Variants in ERO1A observed in about 807,000 individuals in gnomAD.
ERO1A encodes the protein ERO1-like protein alpha.
ERO1A carries 49 observed loss-of-function variants against 76.9 expected under a neutral mutation model. The observed-to-expected ratio is 0.64, with a 90% confidence interval of 0.51 to 0.81. The LOEUF is 0.81. Ranked by LOEUF, ERO1A falls within the 30% of genes least tolerant of loss-of-function variation. The pLI, the probability that ERO1A is intolerant of heterozygous loss-of-function variation, is 0.00. For missense variants in ERO1A, 448 were observed against 542.1 expected (o/e 0.83, Z 1.72); for synonymous variants, 174 against 181.2 (o/e 0.96, Z 0.32).
Position 52,680,080 on chromosome 14 carries a change from AAC to A in ERO1A, c.319-1610_319-1609del, listed in dbSNP as rs1340128969. Among the ~76,000 whole-genome samples the A allele has an allele frequency of 8.5e-3, 682 of 80,012 alleles. 1 individual carries two copies. Among genetic ancestry groups the A allele is most frequent in the Middle Eastern group, 0.016 (3 of 192 alleles). 52.5% of individuals were successfully genotyped at this position (80,012 alleles called of 152,430 possible). ...GTCTCAAAAACAAGCAAAAAACACA[AAC>A]AAAAAAAAAAAAAAAAAAAAACAAA... On this transcript the variant is annotated intron_variant, in intron 3 of 15. Transcript: ENST00000395686.
In ERO1A at chr14:52,639,978, C is replaced by T. The variant is rs1221906447; in HGVS notation, c.*3592G>A. The T allele has an allele frequency of 1.3e-5, 2 of 152,168 alleles. No homozygotes were observed. Among genetic ancestry groups the T allele is most frequent in the African/African-American group, 2.4e-5 (1 of 41,432 alleles). 9.4% of individuals were successfully genotyped at this position (152,168 alleles called of 1,614,324 possible). ...ACAAATCCTTGGGACTCTACTGACC[C>T]TTGCTGTAAAGTGAAGGGAGTGAAA... On this transcript the variant is annotated 3_prime_UTR_variant, in exon 16 of 16. Coordinates refer to ENST00000395686, the MANE Select transcript of ERO1A (RefSeq NM_014584.3).
intron 15 of ERO1A, among the ~76,000 whole-genome samples, chr14:52,644,339 G>A (rs2039572491): frequency 6.6e-6 from 1 of 152,048 alleles, no homozygotes; most frequent in South Asian, 2.1e-4. Flanking sequence ...CTGTATCCCA[G>A]CTACTCAGGA....
chr14:52,683,206 C>A (rs1460941292), intron 2 of ERO1A, among the ~76,000 whole-genome samples: 2 of 150,592 alleles, frequency 1.3e-5, no homozygotes, highest in Non-Finnish European at 3.0e-5. Flanking sequence ...AAGATTCTGT[C>A]TCAAAAAAAA....
intron 3 of ERO1A, among the ~76,000 whole-genome samples, chr14:52,679,723 GC>G (rs1566645183): frequency 1.3e-5 from 2 of 151,940 alleles, no homozygotes; most frequent in Non-Finnish European, 2.9e-5. Context: ...AAAGAAAAAA[GC>G]TTTTCTCCAT....
rs1212711328 is a variant in ERO1A at position 52,671,707 on chromosome 14, C to T, written c.435-4G>A. On this transcript the variant is annotated splice_region_variant and splice_polypyrimidine_tract_variant and intron_variant, in intron 5 of 15. Transcript: ENST00000395686. The stretch of plus-strand genomic sequence containing the variant: ...AACAGCCTTCTGTGTTTCCTCACTT[C>T]AAACAAAGAAAAAAAATAACATTAT... 6.3e-7 allele frequency: 1 copy of T among 1,596,114 alleles called. No homozygotes were observed. The highest frequency in any genetic ancestry group is 2.2e-5 in the East Asian group (1 of 44,532).
chr14:52,666,523 T>C, intron 6 of ERO1A, 28 bp from the exon 7 acceptor site: 1 of 1,581,846 alleles, frequency 6.3e-7, no homozygotes, highest in Non-Finnish European at 8.6e-7. Context: ...TTATTAAACC[T>C]TTCTTATCCT....
At chr14:52,644,920 A>AT in intron 15 of ERO1A, among the ~76,000 whole-genome samples, 2 of 152,326 alleles carry the variant, frequency 1.3e-5, no homozygotes, top group East Asian at 3.9e-4. Context: ...CAAAATTGTA[A>AT]TATTTTTTAA....
At chr14:52,659,301 A>G (rs189643787) in intron 9 of ERO1A, among the ~76,000 whole-genome samples, 115 of 152,322 alleles carry the variant, frequency 7.5e-4, no homozygotes, top group Admixed American at 1.4e-3. Context: ...AATGCAAATG[A>G]AAACAAAAGA....
At chr14:52,663,746 T>C (rs1371002790) in intron 8 of ERO1A, 55 bp downstream of exon 8, 1 of 1,075,548 alleles carries the variant, frequency 9.3e-7, no homozygotes. Flanking sequence ...CCCCTTCCTT[T>C]GAATTAAAGT....
intron 3 of ERO1A, among the ~76,000 whole-genome samples, chr14:52,680,082 C>CAAAAAAAAAAAAAAAAA (rs35358193): frequency 1.7e-4 from 15 of 90,908 alleles, no homozygotes; most frequent in East Asian, 7.0e-4. Context: ...AAAACACAAA[C>CAAAAAAAAAAAAAAAAA]AAAAAAAAAA....
rs58456682 is a variant in ERO1A, at chr14:52,647,142, A to ATTTTTTTTT, written c.1126-690_1126-682dup. 7.7e-4 allele frequency: 48 copies of ATTTTTTTTT among 62,194 alleles called. 4 individuals carry two copies. The highest frequency in any genetic ancestry group is 2.9e-3 in the African/African-American group (46 of 15,770). 3.9% of individuals were successfully genotyped at this position (62,194 alleles called of 1,614,324 possible). A position where few individuals can be genotyped will look rare whatever the true frequency, so the allele number is the denominator to read the frequency against. ...AGGCACCTGCCACCACGCCCAGCTA[A>ATTTTTTTTT]TTTTTTTTTTTTTTTTTTTTTTTTT... On this transcript the variant is annotated intron_variant, in intron 13 of 15. Transcript: ENST00000395686.
intron 9 of ERO1A, among the ~76,000 whole-genome samples, chr14:52,660,357 C>T (rs1327348002): frequency 6.6e-6 from 1 of 152,138 alleles, no homozygotes; most frequent in Non-Finnish European, 1.5e-5. Context: ...ATCATAGTAG[C>T]CTCCTCTAAT....
intron 15 of ERO1A, among the ~76,000 whole-genome samples, chr14:52,645,122 A>G (rs1354229753): frequency 6.6e-6 from 1 of 152,114 alleles, no homozygotes; most frequent in East Asian, 1.9e-4. Flanking sequence ...TATAATGGTG[A>G]GTTCACAAAG....
chr14:52,671,974 C>A, intron 4 of ERO1A, 103 bp from the exon 5 acceptor site: 2 of 828,312 alleles, frequency 2.4e-6, no homozygotes, highest in South Asian at 1.9e-5. Context: ...TTTTATTTTT[C>A]CAATATGTTC....
intron 12 of ERO1A, 97 bp downstream of exon 12, chr14:52,652,972 G>T: frequency 1.2e-6 from 1 of 827,694 alleles, no homozygotes; most frequent in Non-Finnish European, 1.9e-6. Flanking sequence ...TCCAGCCTGG[G>T]CAACAGAGGG....
At position 52,695,367 on chromosome 14, in the gene ERO1A, C is replaced by T. The variant is rs768775016; in HGVS notation, c.114+1G>A. On this transcript the variant is annotated splice_donor_variant, in intron 1 of 15. Coordinates refer to ENST00000395686, the MANE Select transcript of ERO1A (RefSeq NM_014584.3). LOFTEE classifies it high-confidence loss of function. ...TCAGCACCAACGCGCACATCGCTCA[C>T]CTGGCAGAAGCACCTCTGTGCCGCT... 4 of 1,458,606 alleles carry T rather than the reference C, an allele frequency of 2.7e-6. No homozygotes were observed. The highest frequency in any genetic ancestry group is 3.7e-6 in the Non-Finnish European group (4 of 1,094,332). The allele number at this position is 1,458,606 out of a possible 1,614,324, so 90.4% of individuals were successfully genotyped here.
intron 11 of ERO1A, among the ~76,000 whole-genome samples, chr14:52,654,035 ATATCT>A (rs756207654): frequency 2.6e-5 from 4 of 152,112 alleles, no homozygotes; most frequent in Admixed American, 6.5e-5. Context: ...AACAAAACAA[ATATCT>A]TAATAAGGTG....
chr14:52,654,987 A>G (rs1420808986), intron 11 of ERO1A, among the ~76,000 whole-genome samples: 1 of 152,212 alleles, frequency 6.6e-6, no homozygotes, highest in Non-Finnish European at 1.5e-5. Context: ...CAAATCAGTT[A>G]AGATAAAAGG....
At chr14:52,678,676 T>C (rs1422420470) in intron 3 of ERO1A, among the ~76,000 whole-genome samples, 1 of 152,222 alleles carries the variant, frequency 6.6e-6, no homozygotes, top group African/African-American at 2.4e-5. Flanking sequence ...TGAGCATACA[T>C]TATGTATATT....
Sources: gnomAD v4.1 joint callset for allele counts (sites outside exome capture counted in the v4.1 genomes callset) on GRCh38, gnomAD v4.1.1 for gene constraint, MANE v1.5 for transcripts, NCBI Gene and HGNC (gene_info 2026-07-23, HGNC 2026-07-21) for gene names.